C15orf40: variants seen among roughly 807,000 people sequenced by gnomAD.
C15orf40 encodes chromosome 15 open reading frame 40.
C15orf40 carries 9 observed loss-of-function variants against 13.9 expected under a neutral mutation model. The ratio of observed to expected loss-of-function variants is 0.65; its 90% CI spans 0.39 to 1.13. The LOEUF is 1.13. C15orf40 is among the 50% of genes most tolerant of loss of function. The pLI is 0.01. For missense variants in C15orf40, 225 were observed against 188.5 expected (o/e 1.19, Z -1.13); for synonymous variants, 95 against 69.2 (o/e 1.37, Z -1.85).
At chr15:82,994,253 A>G (rs8043020), downstream of C15orf40, among the ~76,000 whole-genome samples, 89,743 of 152,082 alleles carry the variant, frequency 0.59, 27,670 homozygotes, top group African/African-American at 0.76. Flanking sequence ...TGAAGGAAAT[A>G]ATCATTTACC....
Position 83,006,550 on chromosome 15 carries a change from A to G in C15orf40, c.367-858T>C, listed in dbSNP as rs377486766. On this transcript the variant is annotated intron_variant, in intron 3 of 3. Coordinates refer to ENST00000304177, the MANE Select transcript of C15orf40 (RefSeq NM_144597.3). ...TGAGGCGGGTGGATCACCTGAGGTC[A>G]GGAGTTCGAGACCAGCCTGGCCAAT... The G allele has an allele frequency of 2.2e-5, 18 of 810,996 alleles. No homozygotes were observed. The East Asian group carries it at 7.5e-4, about 34-fold the overall frequency. The allele number at this position is 810,996 out of a possible 1,614,324, so 50.2% of individuals were successfully genotyped here.
rs781406754 is a variant in C15orf40, at chr15:83,010,328, A to C, written c.147T>G (p.Leu49=). The change falls in exon 2 of 4, where the codon CTT becomes CTG. Residue 49 remains leucine (L), a synonymous_variant. Transcript: ENST00000304177. ...KSQSKEPERP[L]PPLGPVAVDP... ...CAACTGCCACAGGACCTAAGGGAGG[A>C]AGTGGTCTCTCTGGTTCCTTGCTCT... is the stretch of plus-strand genomic sequence containing the variant. 1 of 1,614,230 alleles carries C rather than the reference A, an allele frequency of 6.2e-7. No homozygotes were observed. Among genetic ancestry groups the C allele is most frequent in the Admixed American group, 1.7e-5 (1 of 60,032 alleles).
intron 2 of C15orf40, 82 bp from the exon 3 acceptor site, chr15:83,008,757 G>C: frequency 7.0e-7 from 1 of 1,432,934 alleles, no homozygotes; most frequent in Non-Finnish European, 9.3e-7. Flanking sequence ...AAGAGTTTTT[G>C]CATTTGCCTG....
intron 3 of C15orf40, chr15:83,007,917 C>T (rs946410516): frequency 5.9e-5 from 9 of 152,444 alleles, no homozygotes; most frequent in South Asian, 2.1e-4. Flanking sequence ...TAAGGCCAGG[C>T]GCAGTGGCTC....
In C15orf40 at chr15:83,002,838, C is replaced by T. The variant is rs1390993772; in HGVS notation, c.*2759G>A. On this transcript the variant is annotated 3_prime_UTR_variant, in exon 4 of 4. Transcript: ENST00000304177. ...TTGAGACGGAGTCTGCCTCTGCAGC[C>T]CACGCTGGAGCGCAGTTCGCAGTTG... 1 of 152,226 alleles carries T rather than the reference C, an allele frequency of 6.6e-6. No homozygotes were observed. The highest frequency in any genetic ancestry group is 1.5e-5 in the Non-Finnish European group (1 of 68,080). 9.4% of individuals were successfully genotyped at this position (152,226 alleles called of 1,614,324 possible). A position where few individuals can be genotyped will look rare whatever the true frequency, so the allele number is the denominator to read the frequency against.
downstream of C15orf40, chr15:82,989,764 T>C: frequency 7.8e-7 from 1 of 1,287,292 alleles, no homozygotes; most frequent in South Asian, 1.6e-5. Context: ...GTGAAAAATG[T>C]TTTTTAGTCT....
rs934324156 is a variant in C15orf40 at position 83,000,598 on chromosome 15, T to G, written c.*4999A>C. On this transcript the variant is annotated 3_prime_UTR_variant, in exon 4 of 4. Transcript: ENST00000304177. Reference sequence around the variant, plus strand: ...CAGTTTGTGTGGCTTTTTGCTGTTGTGTTATGGTGCCACCTCTTGGATGTA... The same window carrying G: ...CAGTTTGTGTGGCTTTTTGCTGTTGGGTTATGGTGCCACCTCTTGGATGTA... 3.3e-5 allele frequency: 5 copies of G among 152,246 alleles called. No homozygotes were observed. The highest frequency in any genetic ancestry group is 1.2e-4 in the African/African-American group (5 of 41,456). The allele number at this position is 152,246 out of a possible 1,614,324, so 9.4% of individuals were successfully genotyped here. A position where few individuals can be genotyped will look rare whatever the true frequency, so the allele number is the denominator to read the frequency against.
chr15:83,010,391 G>A (rs763500837), intron 1 of C15orf40, 28 bp from the exon 2 acceptor site: 57 of 1,613,136 alleles, frequency 3.5e-5, no homozygotes, highest in Non-Finnish European at 4.0e-5. Context: ...CAACTTTACA[G>A]GTTACAAAAT....
rs1555435908 is a variant in C15orf40, at chr15:83,005,180, C to T, written c.*417G>A. The T allele has an allele frequency of 9.6e-7, 1 of 1,043,336 alleles. No homozygotes were observed. The highest frequency in any genetic ancestry group is 1.2e-6 in the Non-Finnish European group (1 of 862,482). 64.6% of individuals were successfully genotyped at this position (1,043,336 alleles called of 1,614,324 possible). A position where few individuals can be genotyped will look rare whatever the true frequency, so the allele number is the denominator to read the frequency against. Reference sequence around the variant, plus strand: ...TTTTGGAGTCTTATTCGAATATATACATATATATATGTCCCCCATGTTCTT... The same window carrying T: ...TTTTGGAGTCTTATTCGAATATATATATATATATATGTCCCCCATGTTCTT... On this transcript the variant is annotated 3_prime_UTR_variant, in exon 4 of 4. Transcript: ENST00000304177.
chr15:83,011,517 T>C lies in C15orf40; in HGVS notation c.91A>G (p.Lys31Glu). 1 of 1,606,878 alleles carries C rather than the reference T, an allele frequency of 6.2e-7. No individual in the cohort carries two copies. The highest frequency in any genetic ancestry group is 8.5e-7 in the Non-Finnish European group (1 of 1,178,160). Residue 31 changes from lysine to glutamate, a missense_variant, in exon 1 of 4, where the codon AAG becomes GAG. Transcript: ENST00000304177. ...CTGGCCTTGGTCGTCGCACCAGCCTTCTTAGGCATCTCGGCGCAAAGAAGC... is the reference window on the plus strand; with the variant it reads ...CTGGCCTTGGTCGTCGCACCAGCCTCCTTAGGCATCTCGGCGCAAAGAAGC... ...ARLLCAEMPK[K>E]AGATTKGKSQ...
In C15orf40 at chr15:83,011,562, T is replaced by C. The variant is rs1172885879; in HGVS notation, c.46A>G (p.Asn16Asp). 10 of 1,605,662 alleles carry C rather than the reference T, an allele frequency of 6.2e-6. No individual in the cohort carries two copies. Among genetic ancestry groups the C allele is most frequent in the South Asian group, 1.1e-5 (1 of 90,900 alleles). ...SGLRHLRATP[N>D]TRGSARLLCA... ...AGAAGCCGAGCGGAGCCCCGAGTAT[T>C]GGGTGTTGCCCGAAGGTGCCTCAGC... The change falls in exon 1 of 4, where the codon AAT becomes GAT. Residue 16 changes from asparagine to aspartate, a missense_variant. Coordinates refer to ENST00000304177, the MANE Select transcript of C15orf40 (RefSeq NM_144597.3).
Position 83,011,509 on chromosome 15 carries a change from A to T in C15orf40, c.99T>A (p.Gly33=). Residue 33 remains glycine, a synonymous_variant, in exon 1 of 4, where the codon GGT becomes GGA. Coordinates refer to ENST00000304177, the MANE Select transcript of C15orf40 (RefSeq NM_144597.3). ...LLCAEMPKKA[G]ATTKGKSQSK... ...ACCTGCTACTGGCCTTGGTCGTCGC[A>T]CCAGCCTTCTTAGGCATCTCGGCGC... 6.2e-7 allele frequency: 1 copy of T among 1,606,108 alleles called. No homozygotes were observed.
chr15:83,006,350 A>G (rs1362104109), intron 3 of C15orf40: 9 of 951,592 alleles, frequency 9.5e-6, no homozygotes, highest in Non-Finnish European at 1.1e-5. Flanking sequence ...GTAGTAAAAT[A>G]ATTATAAATA....
intron 2 of C15orf40, 120 bp from the exon 3 acceptor site, chr15:83,008,795 T>A: frequency 8.8e-7 from 1 of 1,139,164 alleles, no homozygotes; most frequent in Non-Finnish European, 1.2e-6. Context: ...TAAAAACTGT[T>A]GAATGAAGAA....
intron 2 of C15orf40, 127 bp downstream of exon 2, chr15:83,010,110 A>T: frequency 3.1e-6 from 4 of 1,271,970 alleles, no homozygotes; most frequent in Non-Finnish European, 3.2e-6. Context: ...TTTAAAATGG[A>T]GAAGCCTCTA....
At chr15:82,991,953 C>A (rs1485415920), downstream of C15orf40, 1 of 1,278,038 alleles carries the variant, frequency 7.8e-7, no homozygotes, top group Non-Finnish European at 1.0e-6. Flanking sequence ...TGGTGGCTCA[C>A]ACCTGTTATC....
chr15:83,008,800 G>A (rs1308133681), intron 2 of C15orf40, 125 bp from the exon 3 acceptor site: 3 of 1,076,620 alleles, frequency 2.8e-6, no homozygotes, highest in Non-Finnish European at 3.9e-6. Context: ...ACTGTTGAAT[G>A]AAGAAATGAA....
At position 82,997,202 on chromosome 15, in the gene C15orf40, TTTTA is replaced by T. The variant is rs1426027714; in HGVS notation, c.*8391_*8394del. The T allele has an allele frequency of 1.5e-4, 21 of 140,750 alleles. No individual in the cohort carries two copies. The highest frequency in any genetic ancestry group is 2.2e-4 in the Admixed American group (3 of 13,410). 8.7% of individuals were successfully genotyped at this position (140,750 alleles called of 1,614,324 possible). On this transcript the variant is annotated 3_prime_UTR_variant, in exon 4 of 4. Coordinates refer to ENST00000304177, the MANE Select transcript of C15orf40 (RefSeq NM_144597.3). Reference sequence around the variant, plus strand: ...TTTCTATTATGCTTTTGTTTTTCATTTTTATTTATTTATTTTTATTTTTTTTTAA... The same window carrying T: ...TTTCTATTATGCTTTTGTTTTTCATTTTTATTTATTTTTATTTTTTTTTAA...
chr15:83,009,568 T>C (rs1447809071), intron 2 of C15orf40, among the ~76,000 whole-genome samples: 3 of 152,190 alleles, frequency 2.0e-5, no homozygotes, highest in African/African-American at 7.2e-5. Context: ...GCAATGGTTT[T>C]TGAACTTTTT....
Sources: gnomAD v4.1 joint callset for allele counts (sites outside exome capture counted in the v4.1 genomes callset) on GRCh38, gnomAD v4.1.1 for gene constraint, MANE v1.5 for transcripts, NCBI Gene and HGNC (gene_info 2026-07-23, HGNC 2026-07-21) for gene names.